AIMP1: variants seen among roughly 807,000 people sequenced by gnomAD.
The protein encoded by AIMP1 is aminoacyl tRNA synthase complex-interacting multifunctional protein 1.
AIMP1 carries 24 observed loss-of-function variants against 33.1 expected under a neutral mutation model. That is an observed-to-expected ratio of 0.73 (90% confidence interval 0.53 to 1.02). The LOEUF is 1.02. Ranked by LOEUF, AIMP1 falls within the 50% of genes least tolerant of loss-of-function variation. The pLI is 0.00. For synonymous variants in AIMP1, 120 were observed against 121.5 expected, an observed-to-expected ratio of 0.99 and a Z score of 0.08; for missense variants, 367 against 364.8, an observed-to-expected ratio of 1.01 and a Z score of -0.05.
At chr4:106,327,621 C>A in intron 3 of AIMP1, 57 bp downstream of exon 3, 1 of 1,259,256 alleles carries the variant, frequency 7.9e-7, no homozygotes, top group Non-Finnish European at 1.1e-6. Flanking sequence ...GCCAGTCACA[C>A]CAACAGTGAG....
At chr4:106,316,743 G>A in intron 1 of AIMP1, 149 bp downstream of exon 1, 1 of 663,828 alleles carries the variant, frequency 1.5e-6, no homozygotes, top group Non-Finnish European at 2.5e-6. Flanking sequence ...CTGGCCTAAG[G>A]AAACAGGAAA....
intron 6 of AIMP1, among the ~76,000 whole-genome samples, chr4:106,342,415 A>G (rs1199571962): frequency 6.6e-6 from 1 of 152,132 alleles, no homozygotes; most frequent in African/African-American, 2.4e-5. Context: ...TATGTTGGCT[A>G]TGGGTTTGCC....
chr4:106,330,021 G>T (rs903940568), intron 4 of AIMP1, among the ~76,000 whole-genome samples: 2 of 151,898 alleles, frequency 1.3e-5, no homozygotes, highest in African/African-American at 4.8e-5. Context: ...GATCTCAGGT[G>T]ATCCACCTGC....
Position 106,347,618 on chromosome 4 carries a change from A to G in AIMP1, c.865A>G (p.Lys289Glu). ...TAATGATGAGTGTGTGGCTACATAC[A>G]AAGGAGTTCCCTTTGAGGTGAAAGG... is the stretch of plus-strand genomic sequence containing the variant. ...HTNDECVATY[K>E]GVPFEVKGKG... The change falls in exon 7 of 7, where the codon AAA becomes GAA. Residue 289 changes from lysine (K) to glutamate (E), a missense_variant. By Grantham distance (56) the Lys-to-Glu change is moderately conservative (BLOSUM62 1). Transcript: ENST00000672341. 6.2e-7 allele frequency: 1 copy of G among 1,613,508 alleles called. No homozygotes were observed. Among genetic ancestry groups the G allele is most frequent in the Non-Finnish European group, 8.5e-7 (1 of 1,179,692 alleles).
intron 1 of AIMP1, among the ~76,000 whole-genome samples, chr4:106,320,895 C>T (rs1258389117): frequency 2.0e-5 from 3 of 152,242 alleles, no homozygotes; most frequent in Admixed American, 6.5e-5. Context: ...TGCAGGTGCG[C>T]GCCGCCACTC....
rs1323099904 is a variant in AIMP1 at position 106,328,137 on chromosome 4, T to C, written c.285T>C (p.Asn95=). Residue 95 remains asparagine, a synonymous_variant, in exon 4 of 7, where the codon AAT becomes AAC. Transcript: ENST00000672341. ...ACGCTAATTCTATGGTTTCTGAAAA[T>C]GTGATACAGTCTACAGCAGTAACAA... ...PLHANSMVSE[N]VIQSTAVTTV... The C allele has an allele frequency of 5.6e-6, 9 of 1,613,608 alleles. No individual in the cohort carries two copies. Among genetic ancestry groups the C allele is most frequent in the Non-Finnish European group, 7.6e-6 (9 of 1,179,748 alleles).
chr4:106,344,478 C>T (rs942511457), intron 6 of AIMP1, among the ~76,000 whole-genome samples: 3 of 152,022 alleles, frequency 2.0e-5, no homozygotes, highest in East Asian at 1.9e-4. Context: ...CTGAACATAC[C>T]GAAAATAATT....
chr4:106,316,673 C>T (rs1768923025), intron 1 of AIMP1, 79 bp downstream of exon 1: 3 of 1,436,100 alleles, frequency 2.1e-6, no homozygotes, highest in Admixed American at 2.0e-5. Context: ...TAACTTGCCT[C>T]CAGGAGAGAG....
chr4:106,327,478 A>G lies in AIMP1; in HGVS notation c.137A>G (p.Lys46Arg). 3.1e-6 allele frequency: 5 copies of G among 1,612,780 alleles called. No individual in the cohort carries two copies. Among genetic ancestry groups the G allele is most frequent in the Non-Finnish European group, 4.2e-6 (5 of 1,179,122 alleles). The change falls in exon 3 of 7, where the codon AAG (lysine) becomes AGG (arginine). Residue 46 changes from lysine (K) to arginine (R), a missense_variant. Coordinates refer to ENST00000672341, the MANE Select transcript of AIMP1 (RefSeq NM_001142416.2). ...AILQATLREE[K>R]KLRVENAKLK... The stretch of plus-strand genomic sequence containing the variant: ...TTGCAGGCAACTTTGAGGGAAGAGA[A>G]GAAACTTCGAGTTGAAAATGCTAAA...
intron 6 of AIMP1, among the ~76,000 whole-genome samples, chr4:106,338,338 C>T (rs750021726): frequency 3.3e-5 from 5 of 152,228 alleles, no homozygotes; most frequent in African/African-American, 9.6e-5. Flanking sequence ...TATCACAGAA[C>T]CTGAGGCCTA....
chr4:106,328,286 T>C (rs773309048), intron 4 of AIMP1, 43 bp downstream of exon 4: 1 of 1,548,392 alleles, frequency 6.5e-7, no homozygotes, highest in Non-Finnish European at 8.7e-7. Flanking sequence ...GACTGGATTA[T>C]CAGAAAATGT....
chr4:106,337,547 G>A (rs1402690175), intron 6 of AIMP1, among the ~76,000 whole-genome samples: 1 of 152,146 alleles, frequency 6.6e-6, no homozygotes, highest in Admixed American at 6.5e-5. Flanking sequence ...GGAACTGTTG[G>A]TCAATTAAAC....
intron 1 of AIMP1, among the ~76,000 whole-genome samples, chr4:106,322,109 C>T (rs1301426344): frequency 6.6e-6 from 1 of 152,066 alleles, no homozygotes; most frequent in Non-Finnish European, 1.5e-5. Context: ...AGAGTTATCA[C>T]CACTCCCTAA....
At chr4:106,336,285 G>A (rs1166212095) in intron 5 of AIMP1, among the ~76,000 whole-genome samples, 1 of 149,488 alleles carries the variant, frequency 6.7e-6, no homozygotes, top group Non-Finnish European at 1.5e-5. Context: ...CAAGCAGTCT[G>A]CCTGCCTCAG....
chr4:106,332,288 G>A (rs887667776), intron 5 of AIMP1, among the ~76,000 whole-genome samples: 4 of 151,798 alleles, frequency 2.6e-5, no homozygotes, highest in Non-Finnish European at 2.9e-5. Flanking sequence ...CAATCTCCGT[G>A]ATCCCCTCTC....
At chr4:106,330,147 T>G (rs1374677104) in intron 4 of AIMP1, among the ~76,000 whole-genome samples, 3 of 152,182 alleles carry the variant, frequency 2.0e-5, no homozygotes, top group African/African-American at 4.8e-5. Context: ...AAATTCCTTA[T>G]GATAATTAAC....
At chr4:106,336,703 A>G (rs1769897139) in intron 5 of AIMP1, among the ~76,000 whole-genome samples, 166 bp from the exon 6 acceptor site, 1 of 152,202 alleles carries the variant, frequency 6.6e-6, no homozygotes, top group African/African-American at 2.4e-5. Context: ...ATGTTTATGC[A>G]AAGCTTCGTA....
chr4:106,318,293 C>A (rs748855750), intron 1 of AIMP1, among the ~76,000 whole-genome samples: 1 of 152,174 alleles, frequency 6.6e-6, no homozygotes, highest in Non-Finnish European at 1.5e-5. Context: ...TAATTTTCTT[C>A]TTTAAATTCT....
At chr4:106,333,371 G>A (rs954534907) in intron 5 of AIMP1, among the ~76,000 whole-genome samples, 1 of 152,048 alleles carries the variant, frequency 6.6e-6, no homozygotes, top group Non-Finnish European at 1.5e-5. Flanking sequence ...TTTTGTTTTG[G>A]CTCTCTAATT....
Sources: allele counts gnomAD v4.1 joint callset (sites outside exome capture counted in the v4.1 genomes callset), GRCh38; gene constraint gnomAD v4.1.1; transcripts MANE v1.5; gene names NCBI Gene and HGNC (gene_info 2026-07-23, HGNC 2026-07-21).